Variants in ZFHX3 observed in about 807,000 individuals in gnomAD.
ZFHX3 encodes the protein zinc finger homeobox 3.
Under a neutral mutation model 279.1 loss-of-function variants are expected in ZFHX3, and 42 were observed. The observed-to-expected ratio is 0.15, with a 90% CI of 0.12 to 0.19. The LOEUF (loss-of-function observed/expected upper bound fraction) is 0.19. Ranked by LOEUF, ZFHX3 falls within the 10% of genes least tolerant of loss-of-function variation. ZFHX3 has a pLI of 1.00. For synonymous variants in ZFHX3, 2,293 were observed against 1,957.8 expected (o/e 1.17, Z -4.52); for missense variants, 4,981 against 4,754.0 (o/e 1.05, Z -1.40).
intron 3 of ZFHX3, among the ~76,000 whole-genome samples, chr16:72,940,691 G>A (rs1258545054): frequency 6.6e-6 from 1 of 152,240 alleles, no homozygotes; most frequent in African/African-American, 2.4e-5. Context: ...GCACAGGCCG[G>A]CCCTGCCAAG....
At chr16:72,950,986 AGAGAGTCAGACACCAGGCTCAT>A in intron 2 of ZFHX3, 21 bp from the exon 3 acceptor site, 4 of 1,600,978 alleles carry the variant, frequency 2.5e-6, no homozygotes, top group Non-Finnish European at 3.4e-6. Flanking sequence ...GGAGAGAAGG[AGAGAGTCAGACACCAGGCTCAT>A]GGTCACGGCC....
intron 3 of ZFHX3, among the ~76,000 whole-genome samples, chr16:73,342,365 A>T (rs923513813): frequency 6.6e-6 from 1 of 152,206 alleles, no homozygotes; most frequent in South Asian, 2.1e-4. Context: ...TATAATACAT[A>T]TTCACATGGC....
upstream of ZFHX3, among the ~76,000 whole-genome samples, chr16:73,059,886 G>T (rs547447664): frequency 1.3e-5 from 2 of 152,178 alleles, no homozygotes; most frequent in Non-Finnish European, 2.9e-5. Context: ...AAGAGAGGAG[G>T]GGTGATTAGA....
intron 5 of ZFHX3, among the ~76,000 whole-genome samples, chr16:73,171,431 T>C (rs1441787247): frequency 7.2e-6 from 1 of 138,652 alleles, no homozygotes; most frequent in Non-Finnish European, 1.5e-5. Flanking sequence ...GGATAGTGCT[T>C]GGTCTACAGT....
At chr16:72,975,306 G>C (rs1962300863) in intron 1 of ZFHX3, among the ~76,000 whole-genome samples, 2 of 152,182 alleles carry the variant, frequency 1.3e-5, no homozygotes, top group Admixed American at 1.3e-4. Flanking sequence ...GCCGGGCATG[G>C]TGGCAGGCGC....
At chr16:73,865,844 G>T (rs928231830) in intron 1 of ZFHX3, among the ~76,000 whole-genome samples, 2 of 152,080 alleles carry the variant, frequency 1.3e-5, no homozygotes, top group Admixed American at 6.5e-5. Flanking sequence ...AAATAGCCGG[G>T]TGTGGTGGCA....
intron 1 of ZFHX3, among the ~76,000 whole-genome samples, chr16:73,030,572 C>T (rs373226938): frequency 5.9e-4 from 89 of 151,736 alleles, no homozygotes; most frequent in African/African-American, 2.1e-3. Context: ...TATTGACTCA[C>T]GCAATGCCTC....
At chr16:73,692,407 G>A (rs2142208433) in intron 1 of ZFHX3, among the ~76,000 whole-genome samples, 2 of 152,270 alleles carry the variant, frequency 1.3e-5, no homozygotes, top group East Asian at 1.9e-4. Context: ...ACACCCAGAT[G>A]TACAGCCAGA....
At chr16:72,819,991 G>A (rs1264494056) in intron 5 of ZFHX3, among the ~76,000 whole-genome samples, 1 of 152,186 alleles carries the variant, frequency 6.6e-6, no homozygotes, top group Non-Finnish European at 1.5e-5. Context: ...AAGAGGAAGC[G>A]TCTTTTTAGT....
rs756088886 is a variant in ZFHX3 at position 73,105,444 on chromosome 16, CAT to C, written c.-896-11848_-896-11847del. Reference sequence around the variant, plus strand: ...ATATATATATATATACACACACACACATATATATATATATTTTTTCCCCCAGG... The same window carrying C: ...ATATATATATATATACACACACACACATATATATATATTTTTTCCCCCAGG... On this transcript the variant is annotated intron_variant, in intron 7 of 17. Coordinates refer to the ZFHX3 transcript ENST00000641206. Among the ~76,000 whole-genome samples the C allele has an allele frequency of 2.3e-3, 287 of 125,510 alleles. 8 individuals carry two copies. In the Middle Eastern group the frequency reaches 0.028, roughly 12 times the overall value. 82.3% of individuals were successfully genotyped at this position (125,510 alleles called of 152,430 possible). A position where few individuals can be genotyped will look rare whatever the true frequency, so the allele number is the denominator to read the frequency against.
chr16:73,119,992 C>T (rs1966477207), intron 7 of ZFHX3, among the ~76,000 whole-genome samples: 1 of 152,198 alleles, frequency 6.6e-6, no homozygotes, highest in South Asian at 2.1e-4. Flanking sequence ...CCCAGGCCTC[C>T]AGGAGGCTGA....
intron 2 of ZFHX3, among the ~76,000 whole-genome samples, chr16:73,631,927 T>TCTCTCTCTCA (rs1437204921): frequency 6.6e-5 from 9 of 136,728 alleles, no homozygotes; most frequent in African/African-American, 2.6e-4. Context: ...TCTCTCTCTC[T>TCTCTCTCTCA]CACACACACA....
intron 1 of ZFHX3, among the ~76,000 whole-genome samples, chr16:73,780,062 T>C (rs1480185542): frequency 6.9e-6 from 1 of 145,498 alleles, no homozygotes; most frequent in Non-Finnish European, 1.5e-5. Context: ...AGATAGCTTC[T>C]GCCACCAGGG....
At chr16:72,931,006 A>G (rs1959766657) in intron 3 of ZFHX3, among the ~76,000 whole-genome samples, 1 of 152,180 alleles carries the variant, frequency 6.6e-6, no homozygotes, top group Non-Finnish European at 1.5e-5. Context: ...TGCAACCTTA[A>G]CATGTTTATT....
Position 73,784,816 on chromosome 16 carries a change from T to TATACACAC in ZFHX3, c.-1607-104577_-1607-104576insGTGTGTAT, listed in dbSNP as rs1555501460. Among the ~76,000 whole-genome samples, 706 of 135,456 alleles carry TATACACAC rather than the reference T, an allele frequency of 5.2e-3. 14 individuals carry two copies. The highest frequency in any genetic ancestry group is 0.019 in the African/African-American group (659 of 34,798). 88.9% of individuals were successfully genotyped at this position (135,456 alleles called of 152,430 possible). ...AAAAAAATATATATATATATATATA[T>TATACACAC]ACACACACACACACACACACATATA... On this transcript the variant is annotated intron_variant, in intron 1 of 17. Transcript: ENST00000641206.
At chr16:73,075,513 C>T (rs899665334) in intron 8 of ZFHX3, among the ~76,000 whole-genome samples, 6 of 152,132 alleles carry the variant, frequency 3.9e-5, no homozygotes, top group Admixed American at 3.9e-4. Context: ...TCAGGACAGA[C>T]TCACCTTACA....
intron 2 of ZFHX3, among the ~76,000 whole-genome samples, chr16:73,537,314 CTTTTTTTTTTTTTTT>C (rs3051948): frequency 5.2e-5 from 4 of 77,596 alleles, no homozygotes; most frequent in African/African-American, 1.3e-4. Context: ...CTTTCTTCTT[CTTTTTTTTTTTTTTT>C]TTTTTTTTTT....
Position 73,521,662 on chromosome 16 carries a change from G to T in ZFHX3, c.-1546-65404C>A, listed in dbSNP as rs541304848. Among the ~76,000 whole-genome samples the T allele has an allele frequency of 4.6e-5, 7 of 151,592 alleles. No individual in the cohort carries two copies. The East Asian group carries it at 1.4e-3, about 29-fold the overall frequency. ...GGGTGGAAATCTGGGAAAACTCCAGGAATTTTAAGAAGAATTTTTAAATAA... is the reference window on the plus strand; with the variant it reads ...GGGTGGAAATCTGGGAAAACTCCAGTAATTTTAAGAAGAATTTTTAAATAA... On this transcript the variant is annotated intron_variant, in intron 2 of 17. Coordinates refer to the ZFHX3 transcript ENST00000641206.
At chr16:72,864,034 G>A (rs2037951916) in intron 4 of ZFHX3, among the ~76,000 whole-genome samples, 1 of 151,894 alleles carries the variant, frequency 6.6e-6, no homozygotes, top group Non-Finnish European at 1.5e-5. Flanking sequence ...GGAGAATGGC[G>A]TGAACCCGGG....
Sources: allele counts gnomAD v4.1 joint callset (sites outside exome capture counted in the v4.1 genomes callset), GRCh38; gene constraint gnomAD v4.1.1; transcripts MANE v1.5; gene names NCBI Gene and HGNC (gene_info 2026-07-23, HGNC 2026-07-21).